Variants in PTPRG observed in about 807,000 individuals in gnomAD.
The protein encoded by PTPRG is protein tyrosine phosphatase receptor type G.
Under a neutral mutation model 165.3 loss-of-function variants are expected in PTPRG, and 102 were observed. The observed-to-expected ratio is 0.62, with a 90% CI of 0.53 to 0.73. The LOEUF (loss-of-function observed/expected upper bound fraction) is 0.73, where lower values mean the gene tolerates loss of function less well. Among genes scored for constraint, PTPRG ranks in the 30% least tolerant of loss-of-function variants. PTPRG has a pLI of 0.00. For synonymous variants in PTPRG, 675 were observed against 669.5 expected, an observed-to-expected ratio of 1.01 and a Z score of -0.13; for missense variants, 1,866 against 1,861.4, an observed-to-expected ratio of 1.00 and a Z score of -0.05.
intron 1 of PTPRG, among the ~76,000 whole-genome samples, chr3:61,644,278 A>G (rs1702142393): frequency 2.0e-5 from 3 of 152,118 alleles, no homozygotes; most frequent in Admixed American, 2.0e-4. Context: ...TTATTTTTTT[A>G]TGCCTTGTGA....
chr3:61,817,146 CATATATATA>C lies in PTPRG; in HGVS notation c.190+68172_190+68180del, dbSNP rs1229850873. Among the ~76,000 whole-genome samples the C allele has an allele frequency of 6.1e-3, 724 of 119,024 alleles. 5 individuals carry two copies. Among genetic ancestry groups the C allele is most frequent in the African/African-American group, 0.023 (697 of 30,298 alleles). 78.1% of individuals were successfully genotyped at this position (119,024 alleles called of 152,430 possible). A position where few individuals can be genotyped will look rare whatever the true frequency, so the allele number is the denominator to read the frequency against. On this transcript the variant is annotated intron_variant, in intron 2 of 29. Transcript: ENST00000474889. ...TGTATTACACATAATACATATATTA[CATATATATA>C]ATATATAATATATAATAATATATAA...
chr3:62,208,968 A>C (rs1700293435), intron 12 of PTPRG, among the ~76,000 whole-genome samples: 1 of 152,184 alleles, frequency 6.6e-6, no homozygotes, highest in South Asian at 2.1e-4. Context: ...GGCCCATGGC[A>C]AGACAGAGCC....
chr3:62,136,897 C>T (rs973475095), intron 6 of PTPRG, among the ~76,000 whole-genome samples: 9 of 152,172 alleles, frequency 5.9e-5, no homozygotes, highest in African/African-American at 1.9e-4. Context: ...TGAAAACAGA[C>T]TAATACAGTA....
intron 2 of PTPRG, among the ~76,000 whole-genome samples, chr3:61,862,558 A>T (rs1331727669): frequency 6.6e-6 from 1 of 151,652 alleles, no homozygotes; most frequent in African/African-American, 2.4e-5. Flanking sequence ...CAGCACGCCC[A>T]CTAATTTTGT....
chr3:61,921,645 A>C (rs1442771413), intron 2 of PTPRG, among the ~76,000 whole-genome samples: 1 of 152,214 alleles, frequency 6.6e-6, no homozygotes, highest in African/African-American at 2.4e-5. Context: ...GGTATATGTG[A>C]AAGTTAAATG....
At position 61,870,383 on chromosome 3, in the gene PTPRG, C is replaced by T. The variant is rs2037532323; in HGVS notation, c.191-119242C>T. 2.7e-5 allele frequency among the ~76,000 whole-genome samples: 4 copies of T among 147,808 alleles called. No homozygotes were observed. The South Asian group carries it at 6.4e-4, about 24-fold the overall frequency. ...CAGGAGTGCAATGGTATGATCTCAG[C>T]TCCAGTGCAGCCTCCACCTCCTGGG... On this transcript the variant is annotated intron_variant, in intron 2 of 29. Coordinates refer to ENST00000474889, the MANE Select transcript of PTPRG (RefSeq NM_002841.4).
intron 2 of PTPRG, among the ~76,000 whole-genome samples, chr3:61,868,755 G>A (rs2037479597): frequency 1.3e-5 from 2 of 152,154 alleles, no homozygotes; most frequent in African/African-American, 2.4e-5. Context: ...GTTTCTTACA[G>A]TTCTCAAGGT....
At chr3:62,189,871 A>C (rs1464705417) in intron 8 of PTPRG, among the ~76,000 whole-genome samples, 2 of 152,290 alleles carry the variant, frequency 1.3e-5, no homozygotes, top group South Asian at 4.1e-4. Flanking sequence ...CACTGCAGCT[A>C]CACCTGTGCC....
At chr3:61,600,536 T>C (rs1157008373) in intron 1 of PTPRG, among the ~76,000 whole-genome samples, 1 of 152,020 alleles carries the variant, frequency 6.6e-6, no homozygotes, top group Non-Finnish European at 1.5e-5. Context: ...TTTGGTTCTT[T>C]TGTTTTTTGT....
chr3:61,713,877 G>C (rs1469103344), intron 1 of PTPRG, among the ~76,000 whole-genome samples: 2 of 152,118 alleles, frequency 1.3e-5, no homozygotes, highest in South Asian at 2.1e-4. Flanking sequence ...TTGCATGGGT[G>C]ATTTAAATGT....
chr3:61,754,597 G>C (rs116584294), intron 2 of PTPRG, among the ~76,000 whole-genome samples: 2,063 of 152,268 alleles, frequency 0.014, 27 homozygotes, highest in Middle Eastern at 0.071. Context: ...TGGATACACG[G>C]ATAAATTAAC....
rs572824514 is a variant in PTPRG at position 61,914,116 on chromosome 3, T to A, written c.191-75509T>A. ...GTTCATGGAGTTACTTTTCCTCTCA[T>A]CTACAGTTCAGTGGTCCTAGAACTG... is the stretch of plus-strand genomic sequence containing the variant. On this transcript the variant is annotated intron_variant, in intron 2 of 29. Coordinates refer to ENST00000474889, the MANE Select transcript of PTPRG (RefSeq NM_002841.4). 3.3e-5 allele frequency among the ~76,000 whole-genome samples: 5 copies of A among 152,330 alleles called. No individual in the cohort carries two copies. In the East Asian group the frequency reaches 9.6e-4, roughly 29 times the overall value.
chr3:61,891,070 A>G (rs2038200896), intron 2 of PTPRG, among the ~76,000 whole-genome samples: 1 of 152,132 alleles, frequency 6.6e-6, no homozygotes, highest in African/African-American at 2.4e-5. Context: ...CTGTAATCCC[A>G]GCACCTTGGG....
At chr3:61,618,054 T>C (rs1446129616) in intron 1 of PTPRG, among the ~76,000 whole-genome samples, 5 of 152,158 alleles carry the variant, frequency 3.3e-5, no homozygotes, top group Non-Finnish European at 7.4e-5. Flanking sequence ...ACTTGGAGAA[T>C]CTTAGTATTT....
intron 2 of PTPRG, among the ~76,000 whole-genome samples, chr3:61,933,121 T>C (rs1055732977): frequency 2.6e-5 from 4 of 152,080 alleles, no homozygotes; most frequent in African/African-American, 9.7e-5. Context: ...TCAGAAAGCA[T>C]AAATATGCAA....
intron 1 of PTPRG, among the ~76,000 whole-genome samples, chr3:61,745,119 C>T (rs1481114425): frequency 7.4e-6 from 1 of 135,546 alleles, no homozygotes; most frequent in Non-Finnish European, 1.5e-5. Flanking sequence ...GGCGTGATCT[C>T]GGCTCTCTGC....
At chr3:62,062,580 C>T (rs955056426) in intron 4 of PTPRG, among the ~76,000 whole-genome samples, 1 of 152,104 alleles carries the variant, frequency 6.6e-6, no homozygotes, top group African/African-American at 2.4e-5. Flanking sequence ...TCAACAGAGA[C>T]ATCTATTTTT....
Position 61,672,247 on chromosome 3 carries a change from G to A in PTPRG, c.86-76631G>A, listed in dbSNP as rs1266342974. Among the ~76,000 whole-genome samples, 1,291 of 134,102 alleles carry A rather than the reference G, an allele frequency of 9.6e-3. 20 individuals are homozygous for A. Among genetic ancestry groups the A allele is most frequent in the African/African-American group, 0.034 (1,191 of 34,908 alleles). 88.0% of individuals were successfully genotyped at this position (134,102 alleles called of 152,430 possible). A position where few individuals can be genotyped will look rare whatever the true frequency, so the allele number is the denominator to read the frequency against. On this transcript the variant is annotated intron_variant, in intron 1 of 29. Transcript: ENST00000474889. ...CCTCACTTTCCAGACTGGGCAGCCA[G>A]GCAGAGGGGCTCCTCACATCCCAGA...
chr3:62,206,945 A>G (rs1283026633), intron 12 of PTPRG, among the ~76,000 whole-genome samples: 1 of 144,230 alleles, frequency 6.9e-6, no homozygotes, highest in East Asian at 2.1e-4. Flanking sequence ...AAAAAGAAGG[A>G]CCTCCTCCTG....
Sources: gnomAD v4.1 joint callset for allele counts (sites outside exome capture counted in the v4.1 genomes callset) on GRCh38, gnomAD v4.1.1 for gene constraint, MANE v1.5 for transcripts, NCBI Gene and HGNC (gene_info 2026-07-23, HGNC 2026-07-21) for gene names.